FAM107B: variants seen among roughly 807,000 people sequenced by gnomAD.
FAM107B encodes protein FAM107B.
Under a neutral mutation model 31.5 loss-of-function variants are expected in FAM107B, and 21 were observed. That is an observed-to-expected ratio of 0.67 (90% CI 0.47 to 0.96). The LOEUF is 0.96. Ranked by LOEUF, FAM107B falls within the 40% of genes least tolerant of loss-of-function variation. The pLI, the probability that FAM107B is intolerant of heterozygous loss-of-function variation, is 0.00. For missense variants in FAM107B, 452 were observed against 377.1 expected, an observed-to-expected ratio of 1.20 and a Z score of -1.64; for synonymous variants, 157 against 141.5, an observed-to-expected ratio of 1.11 and a Z score of -0.78.
chr10:14,767,055 T>TATATATATATATATATAGAGAG (rs1440609298), intron 1 of FAM107B, among the ~76,000 whole-genome samples: 2 of 18,280 alleles, frequency 1.1e-4, no homozygotes, highest in Non-Finnish European at 2.2e-4. Context: ...TATATATATA[T>TATATATATATATATATAGAGAG]AGAGAGAGAG....
chr10:14,604,279 C>A (rs1852512752), intron 2 of FAM107B: 7 of 979,202 alleles, frequency 7.1e-6, no homozygotes, highest in Admixed American at 1.3e-4. Context: ...CCTCCCAGCT[C>A]GCTCCCGGCG....
chr10:14,626,530 G>A (rs1853168835), intron 2 of FAM107B, among the ~76,000 whole-genome samples: 1 of 131,650 alleles, frequency 7.6e-6, no homozygotes. Context: ...TTGAGACAGA[G>A]TCTCGCTCTG....
At chr10:14,682,636 T>C (rs1313962164) in intron 1 of FAM107B, among the ~76,000 whole-genome samples, 2 of 152,082 alleles carry the variant, frequency 1.3e-5, no homozygotes, top group Admixed American at 1.3e-4. Flanking sequence ...CAAACTAACA[T>C]AAGAACAGAA....
intron 2 of FAM107B, among the ~76,000 whole-genome samples, chr10:14,535,370 G>A (rs1029157375): frequency 6.6e-6 from 1 of 152,088 alleles, no homozygotes; most frequent in Non-Finnish European, 1.5e-5. Context: ...ACAAACATGA[G>A]AACTCAATAG....
At chr10:14,742,010 G>A (rs1413506002) in intron 1 of FAM107B, among the ~76,000 whole-genome samples, 15 of 152,060 alleles carry the variant, frequency 9.9e-5, no homozygotes, top group South Asian at 2.1e-4. Flanking sequence ...CACCGCGTGC[G>A]GCCAACTCCC....
chr10:14,579,010 A>G (rs1366597692), intron 2 of FAM107B, among the ~76,000 whole-genome samples: 1 of 152,192 alleles, frequency 6.6e-6, no homozygotes, highest in African/African-American at 2.4e-5. Context: ...CGAAGAGAAA[A>G]AAAAGCTACA....
At chr10:14,601,660 G>A (rs979017227) in intron 2 of FAM107B, among the ~76,000 whole-genome samples, 2 of 152,064 alleles carry the variant, frequency 1.3e-5, no homozygotes, top group Admixed American at 1.3e-4. Flanking sequence ...CCAGATAGCC[G>A]GGGACTTCTA....
intron 2 of FAM107B, among the ~76,000 whole-genome samples, chr10:14,557,891 G>A (rs765926198): frequency 1.3e-5 from 2 of 152,248 alleles, no homozygotes; most frequent in Non-Finnish European, 2.9e-5. Flanking sequence ...GCTCTTACTC[G>A]ATAGTTCATC....
At chr10:14,720,464 G>C (rs1184132237) in intron 1 of FAM107B, among the ~76,000 whole-genome samples, 1 of 152,134 alleles carries the variant, frequency 6.6e-6, no homozygotes, top group Non-Finnish European at 1.5e-5. Flanking sequence ...ATGTTGGCCA[G>C]GCTGGTCTCG....
chr10:14,631,199 G>A (rs1853346150), intron 2 of FAM107B, among the ~76,000 whole-genome samples: 1 of 152,028 alleles, frequency 6.6e-6, no homozygotes, highest in Non-Finnish European at 1.5e-5. Context: ...ATATCCCCTG[G>A]CTGGGCCTGG....
At position 14,519,661 on chromosome 10, in the gene FAM107B, C is replaced by T. The variant is rs114704069; in HGVS notation, c.*1529G>A. On this transcript the variant is annotated 3_prime_UTR_variant, in exon 5 of 5. Coordinates refer to ENST00000181796, the MANE Select transcript of FAM107B (RefSeq NM_031453.4). ...TGTTCCCATTCAGATTGAATATGGG[C>T]CTAATTGTCAACTGCTAACACTAAA... The T allele has an allele frequency of 1.3e-5, 2 of 152,136 alleles. No individual in the cohort carries two copies. Among genetic ancestry groups the T allele is most frequent in the East Asian group, 3.8e-4 (2 of 5,200 alleles). The allele number at this position is 152,136 out of a possible 1,614,324, so 9.4% of individuals were successfully genotyped here.
At chr10:14,699,432 T>C (rs1271240409) in intron 1 of FAM107B, among the ~76,000 whole-genome samples, 2 of 152,128 alleles carry the variant, frequency 1.3e-5, no homozygotes, top group East Asian at 3.9e-4. Context: ...GCCGATGGTG[T>C]AAGTCCGGGT....
At chr10:14,741,855 G>A (rs1201934141) in intron 1 of FAM107B, among the ~76,000 whole-genome samples, 2 of 147,966 alleles carry the variant, frequency 1.4e-5, no homozygotes, top group Admixed American at 6.8e-5. Flanking sequence ...ACAGGCACCC[G>A]CCCCCACACC....
At chr10:14,628,024 T>C (rs1200670100) in intron 2 of FAM107B, among the ~76,000 whole-genome samples, 1 of 151,766 alleles carries the variant, frequency 6.6e-6, no homozygotes, top group Non-Finnish European at 1.5e-5. Flanking sequence ...AAAAGGTCAA[T>C]ACAGCAGTCT....
intron 2 of FAM107B, among the ~76,000 whole-genome samples, chr10:14,645,985 A>G (rs755636709): frequency 4.6e-5 from 7 of 152,094 alleles, no homozygotes; most frequent in Non-Finnish European, 1.0e-4. Context: ...AACAGACCCA[A>G]ACTTCTCAGC....
chr10:14,572,736 A>ATTATATAT (rs1455058375), intron 2 of FAM107B, among the ~76,000 whole-genome samples: 2 of 86,490 alleles, frequency 2.3e-5, no homozygotes, highest in African/African-American at 8.0e-5. Context: ...AAAAAAAAAA[A>ATTATATAT]ATTTATATAT....
chr10:14,622,265 A>T (rs528998565), intron 2 of FAM107B, among the ~76,000 whole-genome samples: 2 of 152,104 alleles, frequency 1.3e-5, no homozygotes, highest in African/African-American at 4.8e-5. Flanking sequence ...ACATAATACA[A>T]TAAATGCTGT....
At chr10:14,571,842 G>T in intron 2 of FAM107B, 1 of 985,446 alleles carries the variant, frequency 1.0e-6, no homozygotes, top group Non-Finnish European at 1.2e-6. Context: ...CAAGAGAAGA[G>T]TTAGCCCAGG....
chr10:14,545,999 A>G (rs539082793), intron 2 of FAM107B, among the ~76,000 whole-genome samples: 2 of 152,384 alleles, frequency 1.3e-5, no homozygotes, highest in African/African-American at 4.8e-5. Flanking sequence ...CAAAGCCCTC[A>G]AACATTCCTG....
Sources: allele counts gnomAD v4.1 joint callset (sites outside exome capture counted in the v4.1 genomes callset), GRCh38; gene constraint gnomAD v4.1.1; transcripts MANE v1.5; gene names NCBI Gene and HGNC (gene_info 2026-07-23, HGNC 2026-07-21).